ATG13: variants seen among roughly 807,000 people sequenced by gnomAD.
ATG13 encodes the protein autophagy related 13, also known as autophagy-related protein 13.
ATG13 carries 23 observed loss-of-function variants against 65.5 expected under a neutral mutation model. The ratio of observed to expected loss-of-function variants is 0.35; its 90% CI spans 0.25 to 0.50. The LOEUF (loss-of-function observed/expected upper bound fraction) is 0.50. ATG13 is among the 20% of genes least tolerant of loss of function. The pLI is 0.98. For synonymous variants in ATG13, 252 were observed against 245.2 expected (o/e 1.03, Z -0.26); for missense variants, 566 against 677.0 (o/e 0.84, Z 1.82).
intron 18 of ATG13, among the ~76,000 whole-genome samples, chr11:46,670,950 T>G (rs1267011790): frequency 2.0e-5 from 3 of 152,196 alleles, no homozygotes; most frequent in Non-Finnish European, 4.4e-5. Flanking sequence ...CCAACAATGA[T>G]TAGCTTGCTC....
chr11:46,656,111 C>A, intron 7 of ATG13, 122 bp from the exon 8 acceptor site: 2 of 776,452 alleles, frequency 2.6e-6, no homozygotes, highest in Non-Finnish European at 4.3e-6. Flanking sequence ...GCTCCATCAG[C>A]AGAGGTATTT....
chr11:46,661,331 C>T (rs1410058732), intron 11 of ATG13, among the ~76,000 whole-genome samples: 1 of 151,830 alleles, frequency 6.6e-6, no homozygotes, highest in Non-Finnish European at 1.5e-5. Flanking sequence ...GCCTGGCCAA[C>T]ATGGTGAAAC....
chr11:46,648,473 A>C (rs1362453577), intron 5 of ATG13, among the ~76,000 whole-genome samples: 1 of 152,054 alleles, frequency 6.6e-6, no homozygotes, highest in Non-Finnish European at 1.5e-5. Context: ...AGATACCCCC[A>C]AAAAAGAATA....
intron 7 of ATG13, among the ~76,000 whole-genome samples, chr11:46,653,860 C>T (rs1199425817): frequency 5.3e-5 from 8 of 152,076 alleles, no homozygotes; most frequent in African/African-American, 1.7e-4. Flanking sequence ...TGAGCCACCG[C>T]GCCTGGCGAA....
chr11:46,637,240 C>CA (rs1226350820), intron 2 of ATG13, among the ~76,000 whole-genome samples: 2 of 152,170 alleles, frequency 1.3e-5, no homozygotes, highest in African/African-American at 4.8e-5. Context: ...AGCTACAACT[C>CA]AGCTATTTTT....
chr11:46,669,788 C>T (rs1370745781), intron 18 of ATG13, among the ~76,000 whole-genome samples: 3 of 152,128 alleles, frequency 2.0e-5, no homozygotes, highest in African/African-American at 7.2e-5. Flanking sequence ...TGCCTGACGT[C>T]TTCTCCTTGC....
At chr11:46,639,080 C>T (rs538423319) in intron 2 of ATG13, among the ~76,000 whole-genome samples, 4 of 152,212 alleles carry the variant, frequency 2.6e-5, no homozygotes, top group East Asian at 1.9e-4. Context: ...CTCTGCCTCC[C>T]GGGTTCAAGT....
intron 1 of ATG13, among the ~76,000 whole-genome samples, chr11:46,628,227 A>T (rs2135829770): frequency 6.6e-6 from 1 of 151,640 alleles, no homozygotes; most frequent in East Asian, 1.9e-4. Flanking sequence ...ACACGGTGAA[A>T]CCCCATCTCC....
At chr11:46,622,230 G>A (rs1281750855) in intron 1 of ATG13, among the ~76,000 whole-genome samples, 12 of 150,198 alleles carry the variant, frequency 8.0e-5, no homozygotes, top group Non-Finnish European at 1.5e-5. Flanking sequence ...CGATTCTCCC[G>A]CCTCAGCCTC....
Position 46,668,858 on chromosome 11 carries a change from C to T in ATG13, c.1394C>T (p.Ser465Phe), listed in dbSNP as rs138756347. 162 of 1,614,008 alleles carry T rather than the reference C, an allele frequency of 1.0e-4. No individual in the cohort carries two copies. In the Middle Eastern group the frequency reaches 2.1e-3, roughly 21 times the overall value. Residue 465 changes from serine (S) to phenylalanine (F), a missense_variant, in exon 17 of 19, where the codon TCC (serine) becomes TTC (phenylalanine). Ser to Phe is a radical substitution (Grantham distance 155, BLOSUM62 -2). Coordinates refer to ENST00000683050, the MANE Select transcript of ATG13 (RefSeq NM_001346311.2). ...PLQGSLHSDG[S>F]SGGSSGNTHD... ...CAGGGCAGCCTGCACTCAGATGGCTCCAGCGGGGGCAGCAGTGGCAATACC... is the reference window on the plus strand; with the variant it reads ...CAGGGCAGCCTGCACTCAGATGGCTTCAGCGGGGGCAGCAGTGGCAATACC...
At chr11:46,656,092 A>G in intron 7 of ATG13, 141 bp from the exon 8 acceptor site, 1 of 682,488 alleles carries the variant, frequency 1.5e-6, no homozygotes, top group Non-Finnish European at 2.5e-6. Flanking sequence ...AGTAGTAGGA[A>G]TTACTAATGC....
chr11:46,645,125 C>T (rs1032390851), intron 3 of ATG13, among the ~76,000 whole-genome samples: 3 of 152,206 alleles, frequency 2.0e-5, no homozygotes, highest in Non-Finnish European at 4.4e-5. Flanking sequence ...TTGGTTGACA[C>T]TGTACCCTCA....
chr11:46,650,628 C>T (rs962033087), intron 7 of ATG13, among the ~76,000 whole-genome samples: 6 of 152,142 alleles, frequency 3.9e-5, no homozygotes, highest in African/African-American at 9.7e-5. Flanking sequence ...TATTTAGAGA[C>T]GGAGTCTCGC....
chr11:46,622,125 A>ATATATT (rs2047898207), intron 1 of ATG13, among the ~76,000 whole-genome samples: 7 of 79,030 alleles, frequency 8.9e-5, no homozygotes, highest in East Asian at 4.6e-4. Context: ...ATATATATAT[A>ATATATT]TATTTATTTT....
intron 2 of ATG13, among the ~76,000 whole-genome samples, chr11:46,633,231 G>A (rs2052611882): frequency 1.3e-5 from 2 of 150,082 alleles, no homozygotes; most frequent in South Asian, 4.2e-4. Flanking sequence ...TCACCATGTT[G>A]GTCAGGCTGG....
chr11:46,649,279 G>A, intron 6 of ATG13, 96 bp downstream of exon 6: 1 of 1,412,364 alleles, frequency 7.1e-7, no homozygotes, highest in East Asian at 2.3e-5. Context: ...GAGTCAGGGA[G>A]GGCATTCTGA....
In ATG13 at chr11:46,655,262, G is replaced by A. The variant is rs1415829049; in HGVS notation, c.459-971G>A. 3.3e-5 allele frequency among the ~76,000 whole-genome samples: 5 copies of A among 152,032 alleles called. No homozygotes were observed. The East Asian group carries it at 5.8e-4, about 18-fold the overall frequency. On this transcript the variant is annotated intron_variant, in intron 7 of 18. Transcript: ENST00000683050. The stretch of plus-strand genomic sequence containing the variant: ...AAAATACAAAAAATTAGCCGGGCGC[G>A]GTGGCGGACACCTGTAGTCCAGCTG...
intron 2 of ATG13, among the ~76,000 whole-genome samples, chr11:46,633,845 C>G (rs990806801): frequency 2.0e-5 from 3 of 152,144 alleles, no homozygotes; most frequent in Non-Finnish European, 4.4e-5. Context: ...TAAACAGTCT[C>G]TTTTAACTTG....
At chr11:46,618,659 TA>T (rs1215404556) in intron 1 of ATG13, among the ~76,000 whole-genome samples, 1 of 152,222 alleles carries the variant, frequency 6.6e-6, no homozygotes, top group Non-Finnish European at 1.5e-5. Flanking sequence ...TCCTTTACAC[TA>T]AATTAGCTTC....
Sources: allele counts gnomAD v4.1 joint callset (sites outside exome capture counted in the v4.1 genomes callset), GRCh38; gene constraint gnomAD v4.1.1; transcripts MANE v1.5; gene names NCBI Gene and HGNC (gene_info 2026-07-23, HGNC 2026-07-21).